Variants in FGF1 observed in about 807,000 individuals in gnomAD.
FGF1 encodes fibroblast growth factor 1.
A neutral mutation model predicts 13.4 loss-of-function variants in FGF1; 9 were observed. The observed-to-expected ratio is 0.67, with a 90% CI of 0.40 to 1.17. FGF1 has a LOEUF of 1.17. FGF1 is among the 50% of genes most tolerant of loss of function. FGF1 has a pLI of 0.01. For synonymous variants in FGF1, 93 were observed against 79.0 expected (o/e 1.18, Z -0.94); for missense variants, 156 against 192.7 (o/e 0.81, Z 1.13).
At chr5:142,615,476 C>A (rs551625492) in intron 1 of FGF1, among the ~76,000 whole-genome samples, 6 of 152,346 alleles carry the variant, frequency 3.9e-5, no homozygotes, top group African/African-American at 1.4e-4. Flanking sequence ...CCTGCCTCGG[C>A]CTCCCAAAGT....
chr5:142,652,306 G>A (rs1290352418), intron 1 of FGF1, among the ~76,000 whole-genome samples: 1 of 152,194 alleles, frequency 6.6e-6, no homozygotes, highest in Admixed American at 6.5e-5. Flanking sequence ...AAATTGTAAG[G>A]TCGTAGTTCT....
chr5:142,605,209 C>T (rs1453362166), intron 2 of FGF1, among the ~76,000 whole-genome samples: 2 of 151,534 alleles, frequency 1.3e-5, no homozygotes, highest in Non-Finnish European at 2.9e-5. Context: ...CCAGTTCAAG[C>T]GATTCTCCTG....
intron 1 of FGF1, among the ~76,000 whole-genome samples, chr5:142,669,175 C>T (rs1438098703): frequency 2.6e-5 from 4 of 152,212 alleles, no homozygotes; most frequent in African/African-American, 9.6e-5. Flanking sequence ...AGACTTTTTT[C>T]TGCAAGCAAA....
chr5:142,649,148 T>A (rs1766737136), intron 1 of FGF1, among the ~76,000 whole-genome samples: 1 of 152,232 alleles, frequency 6.6e-6, no homozygotes, highest in Non-Finnish European at 1.5e-5. Flanking sequence ...GTTAGAAAGT[T>A]GTGATCGCTC....
At chr5:142,654,300 C>T (rs1185971708) in intron 1 of FGF1, among the ~76,000 whole-genome samples, 2 of 152,154 alleles carry the variant, frequency 1.3e-5, no homozygotes, top group Admixed American at 6.5e-5. Flanking sequence ...GGAAAGGGCA[C>T]ATGAAATTTG....
chr5:142,624,122 G>A (rs1436505507), intron 1 of FGF1, among the ~76,000 whole-genome samples: 9 of 152,064 alleles, frequency 5.9e-5, no homozygotes, highest in South Asian at 4.1e-4. Flanking sequence ...GTTTCACCAC[G>A]TTGGCCAGGC....
intron 1 of FGF1, among the ~76,000 whole-genome samples, chr5:142,674,383 A>G (rs536074670): frequency 6.6e-6 from 1 of 152,276 alleles, no homozygotes; most frequent in East Asian, 1.9e-4. Context: ...TGCTCCCTAA[A>G]TATGAAAGGA....
chr5:142,620,103 C>A lies in FGF1; in HGVS notation c.-34-5942G>T, dbSNP rs187893376. On this transcript the variant is annotated intron_variant, in intron 1 of 3. Coordinates refer to ENST00000337706, the MANE Select transcript of FGF1 (RefSeq NM_000800.5). ...AAAGCAAAAGAATGAAAAATAGATA[C>A]CAGACAAATGTTAACAAAAAAATTG... is the stretch of plus-strand genomic sequence containing the variant. Among the ~76,000 whole-genome samples the A allele has an allele frequency of 6.9e-4, 105 of 151,624 alleles. 2 individuals carry two copies. In the East Asian group the frequency reaches 0.02, roughly 29 times the overall value.
intron 1 of FGF1, among the ~76,000 whole-genome samples, chr5:142,635,683 T>C (rs1461685248): frequency 6.6e-6 from 1 of 152,226 alleles, no homozygotes; most frequent in Non-Finnish European, 1.5e-5. Flanking sequence ...AGGGCCCACC[T>C]GCCTGGGAAT....
chr5:142,595,243 ACCCC>A lies in FGF1; in HGVS notation c.*43_*46del, dbSNP rs755282745. On this transcript the variant is annotated 3_prime_UTR_variant, in exon 4 of 4. Transcript: ENST00000337706. Reference sequence around the variant, plus strand: ...ACATTTTTGGGTCAACCAGGTGAGGACCCCTCGAAACTTCTCTGGAGTGGTCAAC... The same window carrying A: ...ACATTTTTGGGTCAACCAGGTGAGGATCGAAACTTCTCTGGAGTGGTCAAC... 6.5e-7 allele frequency: 1 copy of A among 1,543,536 alleles called. No homozygotes were observed. Among genetic ancestry groups the A allele is most frequent in the South Asian group, 1.2e-5 (1 of 83,482 alleles).
intron 1 of FGF1, among the ~76,000 whole-genome samples, chr5:142,648,629 A>T (rs1766625883): frequency 6.7e-6 from 1 of 150,248 alleles, no homozygotes; most frequent in African/African-American, 2.5e-5. Flanking sequence ...CATGTTCTGT[A>T]CATGTATCCC....
intron 1 of FGF1, among the ~76,000 whole-genome samples, chr5:142,653,359 C>T (rs952177605): frequency 3.3e-5 from 5 of 152,124 alleles, no homozygotes; most frequent in African/African-American, 1.2e-4. Context: ...GAGGTAGGTG[C>T]TGTTCTGATT....
chr5:142,612,591 A>G (rs1759304643), intron 2 of FGF1, among the ~76,000 whole-genome samples: 1 of 151,870 alleles, frequency 6.6e-6, no homozygotes, highest in African/African-American at 2.4e-5. Flanking sequence ...AATATTGCTT[A>G]TGTATGCTAT....
At chr5:142,687,317 G>A (rs1412877979), upstream of FGF1, among the ~76,000 whole-genome samples, 4 of 152,178 alleles carry the variant, frequency 2.6e-5, no homozygotes, top group African/African-American at 4.8e-5. Flanking sequence ...AGAGCATGGG[G>A]GTGTGGGGAA....
At chr5:142,657,021 G>A (rs965465718) in intron 1 of FGF1, among the ~76,000 whole-genome samples, 2 of 152,028 alleles carry the variant, frequency 1.3e-5, no homozygotes, top group South Asian at 2.1e-4. Flanking sequence ...AGGTTCAAGC[G>A]ATTCTCCTGC....
At chr5:142,639,890 T>C (rs1026425747) in intron 1 of FGF1, among the ~76,000 whole-genome samples, 7 of 151,792 alleles carry the variant, frequency 4.6e-5, no homozygotes, top group Admixed American at 3.9e-4. Flanking sequence ...TGGAAAAAAA[T>C]AGTTGTTGAG....
intron 1 of FGF1, among the ~76,000 whole-genome samples, chr5:142,663,684 C>T (rs1341995893): frequency 6.6e-6 from 1 of 152,196 alleles, no homozygotes; most frequent in Non-Finnish European, 1.5e-5. Context: ...GAAACTTGTC[C>T]AGTTGACTTT....
At chr5:142,668,709 A>C (rs1770905403) in intron 1 of FGF1, among the ~76,000 whole-genome samples, 1 of 152,272 alleles carries the variant, frequency 6.6e-6, no homozygotes, top group Admixed American at 6.5e-5. Flanking sequence ...AGCACCTAGC[A>C]CATTGCCTCA....
chr5:142,694,062 A>C (rs1752676852), intron 2 of FGF1, among the ~76,000 whole-genome samples: 1 of 151,360 alleles, frequency 6.6e-6, no homozygotes, highest in African/African-American at 2.4e-5. Context: ...TACCCGAAGA[A>C]TTTATCTATA....
Sources: allele counts gnomAD v4.1 joint callset (sites outside exome capture counted in the v4.1 genomes callset), GRCh38; gene constraint gnomAD v4.1.1; transcripts MANE v1.5; gene names NCBI Gene and HGNC (gene_info 2026-07-23, HGNC 2026-07-21).